The following DENND5A variants were observed in gnomAD, a reference collection of about 807,000 sequenced individuals.
DENND5A encodes the protein DENN domain-containing protein 5A.
DENND5A carries 64 observed loss-of-function variants against 140.3 expected under a neutral mutation model. The observed-to-expected ratio is 0.46, with a 90% confidence interval of 0.37 to 0.56. DENND5A has a LOEUF of 0.56. Among genes scored for constraint, DENND5A ranks in the 20% least tolerant of loss-of-function variants. The pLI, the probability that DENND5A is intolerant of heterozygous loss-of-function variation, is 0.00. For missense variants in DENND5A, 1,292 were observed against 1,593.8 expected (o/e 0.81, Z 3.22); for synonymous variants, 605 against 607.7 (o/e 1.00, Z 0.07).
intron 2 of DENND5A, chr11:9,207,229 T>A: frequency 2.1e-6 from 1 of 481,850 alleles, no homozygotes. Flanking sequence ...TACAAAGAAA[T>A]GAAAAGATGT....
chr11:9,183,814 T>C (rs1306327351), intron 5 of DENND5A, among the ~76,000 whole-genome samples: 1 of 152,088 alleles, frequency 6.6e-6, no homozygotes, highest in East Asian at 1.9e-4. Context: ...TGTGTAGCCA[T>C]ACTTCATTCA....
chr11:9,154,822 G>GA (rs1051387794), intron 12 of DENND5A, among the ~76,000 whole-genome samples: 2 of 148,648 alleles, frequency 1.3e-5, no homozygotes, highest in South Asian at 2.1e-4. Context: ...GAGCCAAAAA[G>GA]AAAAAAAAAT....
chr11:9,258,624 G>A (rs1411041072), intron 1 of DENND5A, among the ~76,000 whole-genome samples: 1 of 151,904 alleles, frequency 6.6e-6, no homozygotes, highest in Non-Finnish European at 1.5e-5. Flanking sequence ...CTACCATAAC[G>A]TCTGTTCCTG....
chr11:9,195,020 CTTTTT>C (rs574310334), intron 4 of DENND5A, among the ~76,000 whole-genome samples: 1 of 119,114 alleles, frequency 8.4e-6, no homozygotes, highest in Non-Finnish European at 1.8e-5. Context: ...CCCAGCCAGC[CTTTTT>C]TTTTTTTTTT....
At chr11:9,150,549 G>A (rs1364316997) in intron 14 of DENND5A, 131 bp downstream of exon 14, 7 of 661,038 alleles carry the variant, frequency 1.1e-5, no homozygotes, top group Non-Finnish European at 1.3e-5. Context: ...ACAAGGCTTT[G>A]TGATTAGGAG....
intron 4 of DENND5A, chr11:9,203,431 T>C: frequency 2.2e-6 from 1 of 459,346 alleles, no homozygotes; most frequent in South Asian, 2.5e-5. Flanking sequence ...TAGGAAGCAA[T>C]GTTCCCCTCC....
At chr11:9,176,788 C>A in intron 8 of DENND5A, 1 of 410,172 alleles carries the variant, frequency 2.4e-6, no homozygotes, top group Non-Finnish European at 4.9e-6. Flanking sequence ...TTCATTCACC[C>A]CTTCTTTCTT....
chr11:9,215,213 T>C (rs1055306661), intron 1 of DENND5A, among the ~76,000 whole-genome samples: 3 of 152,228 alleles, frequency 2.0e-5, no homozygotes, highest in Non-Finnish European at 2.9e-5. Context: ...ATTATTTTTA[T>C]TGATGTTTTG....
At chr11:9,151,995 C>A (rs184594843) in intron 13 of DENND5A, among the ~76,000 whole-genome samples, 1 of 152,160 alleles carries the variant, frequency 6.6e-6, no homozygotes, top group African/African-American at 2.4e-5. Flanking sequence ...TCTTGACTAA[C>A]GGGATAGATA....
rs572451838 is a variant in DENND5A, at chr11:9,240,153, A to G, written c.109+24808T>C. Among the ~76,000 whole-genome samples the G allele has an allele frequency of 7.2e-5, 11 of 152,200 alleles. No homozygotes were observed. In the South Asian group the frequency reaches 2.1e-3, roughly 29 times the overall value. Reference sequence around the variant, plus strand: ...CTGGGCGTGGTGGCTCACGTCTGTAATCCCAGCATTTTGGGAGGCCAAGGC... The same window carrying G: ...CTGGGCGTGGTGGCTCACGTCTGTAGTCCCAGCATTTTGGGAGGCCAAGGC... On this transcript the variant is annotated intron_variant, in intron 1 of 22. Coordinates refer to ENST00000328194, the MANE Select transcript of DENND5A (RefSeq NM_015213.4).
chr11:9,155,784 G>A (rs575411410), intron 12 of DENND5A, among the ~76,000 whole-genome samples: 15 of 152,348 alleles, frequency 9.8e-5, no homozygotes, highest in African/African-American at 3.4e-4. Flanking sequence ...ACATACTATA[G>A]GTGGAAGCCC....
At chr11:9,161,945 ATT>A (rs142893173) in intron 11 of DENND5A, among the ~76,000 whole-genome samples, 1,878 of 151,142 alleles carry the variant, frequency 0.012, 34 homozygotes, top group African/African-American at 0.041. Context: ...ATATATATAT[ATT>A]GTCCAAAATG....
In DENND5A at chr11:9,203,891, G is replaced by C. The variant is rs1464007844; in HGVS notation, c.718C>G (p.Leu240Val). 2 of 1,614,136 alleles carry C rather than the reference G, an allele frequency of 1.2e-6. No individual in the cohort carries two copies. Among genetic ancestry groups the C allele is most frequent in the Non-Finnish European group, 1.7e-6 (2 of 1,180,010 alleles). Residue 240 changes from leucine to valine, a missense_variant, in exon 4 of 23, where the codon CTT (leucine) becomes GTT (valine). Physicochemically the swap from Leu to Val is conservative, Grantham distance 32. Coordinates refer to ENST00000328194, the MANE Select transcript of DENND5A (RefSeq NM_015213.4). ...VTSPQPPPLP[L>V]ESYIYNVLYE... Reference sequence around the variant, plus strand: ...AGTACGTTGTATATGTAGCTCTCAAGGGGCAGTGGAGGGGGCTGAGGTGAA... The same window carrying C: ...AGTACGTTGTATATGTAGCTCTCAACGGGCAGTGGAGGGGGCTGAGGTGAA...
Position 9,235,092 on chromosome 11 carries a change from T to C in DENND5A, c.110-27460A>G, listed in dbSNP as rs540750207. Among the ~76,000 whole-genome samples the C allele has an allele frequency of 3.3e-5, 5 of 152,310 alleles. No individual in the cohort carries two copies. In the East Asian group the frequency reaches 9.6e-4, roughly 29 times the overall value. On this transcript the variant is annotated intron_variant, in intron 1 of 22. Transcript: ENST00000328194. Reference sequence around the variant, plus strand: ...CATTTTGGCAGTTTCTTAAAGTTACTATAAAGTTCAGAGTTACTATATGAC... The same window carrying C: ...CATTTTGGCAGTTTCTTAAAGTTACCATAAAGTTCAGAGTTACTATATGAC...
At chr11:9,234,860 T>C (rs1312614061) in intron 1 of DENND5A, among the ~76,000 whole-genome samples, 1 of 152,178 alleles carries the variant, frequency 6.6e-6, no homozygotes, top group African/African-American at 2.4e-5. Flanking sequence ...GGCTTGCTGT[T>C]AATAAAGGCG....
intron 12 of DENND5A, among the ~76,000 whole-genome samples, chr11:9,157,188 CACTT>C (rs774643835): frequency 2.7e-4 from 41 of 152,154 alleles, no homozygotes; most frequent in Admixed American, 5.2e-4. Flanking sequence ...GTATTCTACT[CACTT>C]ATTATAGAGA....
chr11:9,228,473 G>A (rs77178470), intron 1 of DENND5A, among the ~76,000 whole-genome samples: 5,071 of 152,180 alleles, frequency 0.033, 291 homozygotes, highest in African/African-American at 0.11. Context: ...ATAAGGCCAG[G>A]TGCGGTGGCT....
intron 20 of DENND5A, chr11:9,143,193 C>G: frequency 1.6e-6 from 1 of 615,026 alleles, no homozygotes; most frequent in Non-Finnish European, 2.9e-6. Flanking sequence ...ATTGGGTCAT[C>G]AGTATGGAGG....
At chr11:9,245,720 G>C (rs531298158) in intron 1 of DENND5A, among the ~76,000 whole-genome samples, 1 of 151,778 alleles carries the variant, frequency 6.6e-6, no homozygotes, top group Admixed American at 6.6e-5. Flanking sequence ...TGCAACCTCC[G>C]CCTCCCAAAT....
Sources: allele counts gnomAD v4.1 joint callset (sites outside exome capture counted in the v4.1 genomes callset), GRCh38; gene constraint gnomAD v4.1.1; transcripts MANE v1.5; gene names NCBI Gene and HGNC (gene_info 2026-07-23, HGNC 2026-07-21).